Variants in UBE2H observed in about 807,000 individuals in gnomAD.
UBE2H encodes the protein ubiquitin conjugating enzyme E2 H, also known as ubiquitin-conjugating enzyme E2 H.
UBE2H carries 3 observed loss-of-function variants against 29.0 expected under a neutral mutation model. That is an observed-to-expected ratio of 0.10 (90% CI 0.05 to 0.27). The LOEUF (loss-of-function observed/expected upper bound fraction) is 0.27. Among genes scored for constraint, UBE2H ranks in the 10% least tolerant of loss-of-function variants. The probability of loss-of-function intolerance (pLI) is 1.00; values close to 1 mark genes in which losing one functional copy is unlikely to be tolerated. For synonymous variants in UBE2H, 69 were observed against 82.9 expected, an observed-to-expected ratio of 0.83 and a Z score of 0.91; for missense variants, 68 against 228.2, an observed-to-expected ratio of 0.30 and a Z score of 4.52.
At chr7:129,892,945 T>A (rs1302160740) in intron 1 of UBE2H, among the ~76,000 whole-genome samples, 1 of 152,214 alleles carries the variant, frequency 6.6e-6, no homozygotes, top group Non-Finnish European at 1.5e-5. Flanking sequence ...TGGCTAAAGC[T>A]GTCAAACAGC....
intron 2 of UBE2H, among the ~76,000 whole-genome samples, chr7:129,880,317 G>GC (rs1806229017): frequency 6.6e-6 from 1 of 152,130 alleles, no homozygotes; most frequent in African/African-American, 2.4e-5. Flanking sequence ...GACCAGCCTG[G>GC]CCAACATGGT....
intron 5 of UBE2H, among the ~76,000 whole-genome samples, chr7:129,840,706 C>T (rs1024722330): frequency 6.6e-6 from 1 of 152,178 alleles, no homozygotes; most frequent in African/African-American, 2.4e-5. Context: ...CATGTCTCTG[C>T]CCCACTCCAG....
At chr7:129,948,913 C>A in intron 1 of UBE2H, 1 of 399,334 alleles carries the variant, frequency 2.5e-6, no homozygotes, top group Non-Finnish European at 5.2e-6. Flanking sequence ...AGGGCCTCCC[C>A]AGCCCCCACC....
chr7:129,881,754 A>C (rs149076154), intron 1 of UBE2H, among the ~76,000 whole-genome samples: 170 of 152,276 alleles, frequency 1.1e-3, no homozygotes, highest in African/African-American at 3.7e-3. Flanking sequence ...CTGTCATATA[A>C]ACCCAGTATT....
intron 1 of UBE2H, among the ~76,000 whole-genome samples, chr7:129,902,010 G>A (rs143092544): frequency 6.6e-6 from 1 of 152,264 alleles, no homozygotes; most frequent in African/African-American, 2.4e-5. Context: ...GAGACAACAA[G>A]TAATTGTCCA....
chr7:129,888,549 A>C (rs952975767), intron 1 of UBE2H, among the ~76,000 whole-genome samples: 5 of 151,986 alleles, frequency 3.3e-5, no homozygotes, highest in Non-Finnish European at 5.9e-5. Flanking sequence ...ATCTCAGCTC[A>C]CTGCAATCTC....
At chr7:129,889,671 A>C (rs1036056517) in intron 1 of UBE2H, among the ~76,000 whole-genome samples, 1 of 152,202 alleles carries the variant, frequency 6.6e-6, no homozygotes, top group African/African-American at 2.4e-5. Flanking sequence ...AAGAGTACCC[A>C]GCAAACAGTA....
At chr7:129,921,984 CTTTTT>C (rs1027379544) in intron 1 of UBE2H, among the ~76,000 whole-genome samples, 25 of 151,744 alleles carry the variant, frequency 1.6e-4, no homozygotes, top group African/African-American at 4.8e-4. Flanking sequence ...AGTCCTTATT[CTTTTT>C]TAATTTTTTT....
intron 1 of UBE2H, among the ~76,000 whole-genome samples, chr7:129,909,776 A>G (rs931785849): frequency 1.3e-5 from 2 of 152,182 alleles, no homozygotes; most frequent in Admixed American, 1.3e-4. Context: ...ACAATGCTTA[A>G]GCCCAGACGC....
intron 1 of UBE2H, among the ~76,000 whole-genome samples, chr7:129,887,920 C>G (rs556644888): frequency 1.3e-5 from 2 of 152,098 alleles, no homozygotes; most frequent in South Asian, 4.1e-4. Context: ...AACAAAAAAA[C>G]CAAAGACTTT....
At chr7:129,839,126 A>G in intron 6 of UBE2H, 81 bp downstream of exon 6, 1 of 1,555,024 alleles carries the variant, frequency 6.4e-7, no homozygotes, top group Non-Finnish European at 8.7e-7. Context: ...GGAACTAAGT[A>G]ATTTAAGAAG....
At chr7:129,858,973 A>G in intron 3 of UBE2H, 32 bp from the exon 4 acceptor site, 4 of 1,567,098 alleles carry the variant, frequency 2.6e-6, no homozygotes, top group Non-Finnish European at 3.5e-6. Flanking sequence ...AGCAGCAAAA[A>G]GTATCCAGAG....
chr7:129,905,207 A>G (rs1049507178), intron 1 of UBE2H, among the ~76,000 whole-genome samples: 1 of 151,748 alleles, frequency 6.6e-6, no homozygotes, highest in Non-Finnish European at 1.5e-5. Context: ...AATGAAAAAG[A>G]AAGACTGGCA....
intron 5 of UBE2H, chr7:129,839,622 A>G (rs1315696013): frequency 3.2e-6 from 1 of 309,888 alleles, no homozygotes; most frequent in Non-Finnish European, 6.0e-6. Flanking sequence ...TCACACAGCC[A>G]TTTTCTACAG....
At chr7:129,853,731 A>T (rs76544910) in intron 5 of UBE2H, among the ~76,000 whole-genome samples, 165 of 152,352 alleles carry the variant, frequency 1.1e-3, no homozygotes, top group African/African-American at 3.6e-3. Context: ...GCTTACCAGA[A>T]ATCAATGGCG....
chr7:129,836,554 G>A (rs1039890747), intron 6 of UBE2H, among the ~76,000 whole-genome samples: 3 of 152,230 alleles, frequency 2.0e-5, no homozygotes, highest in Non-Finnish European at 4.4e-5. Flanking sequence ...TTTGTTGAAA[G>A]TAAGTGGCTG....
At chr7:129,880,856 G>T (rs1189234533) in intron 2 of UBE2H, 39 bp downstream of exon 2, 2 of 1,545,022 alleles carry the variant, frequency 1.3e-6, no homozygotes, top group South Asian at 2.3e-5. Flanking sequence ...CAGAGTAAAA[G>T]ACTGTAATAG....
chr7:129,905,941 G>T (rs1310000578), intron 1 of UBE2H, among the ~76,000 whole-genome samples: 1 of 151,908 alleles, frequency 6.6e-6, no homozygotes, highest in Non-Finnish European at 1.5e-5. Flanking sequence ...CTCCAGCCTG[G>T]GCCACTGAGC....
At chr7:129,870,968 TTTTTG>T (rs1004852379) in intron 3 of UBE2H, among the ~76,000 whole-genome samples, 6 of 152,242 alleles carry the variant, frequency 3.9e-5, no homozygotes, top group South Asian at 2.1e-4. Context: ...TCAGGGCTGG[TTTTTG>T]TTTTGTTTTG....
Sources: gnomAD v4.1 joint callset for allele counts (sites outside exome capture counted in the v4.1 genomes callset) on GRCh38, gnomAD v4.1.1 for gene constraint, MANE v1.5 for transcripts, NCBI Gene and HGNC (gene_info 2026-07-23, HGNC 2026-07-21) for gene names.